CA10: variants seen among roughly 807,000 people sequenced by gnomAD.
CA10 encodes carbonic anhydrase 10 (inactive).
CA10 carries 14 observed loss-of-function variants against 44.2 expected under a neutral mutation model. The ratio of observed to expected loss-of-function variants is 0.32; its 90% CI spans 0.21 to 0.50. The LOEUF (loss-of-function observed/expected upper bound fraction) is 0.50, where lower values mean the gene tolerates loss of function less well. Ranked by LOEUF, CA10 falls within the 20% of genes least tolerant of loss-of-function variation. CA10 has a pLI of 0.99. For missense variants in CA10, 350 were observed against 409.7 expected (o/e 0.85, Z 1.26); for synonymous variants, 159 against 141.6 (o/e 1.12, Z -0.87).
intron 3 of CA10, among the ~76,000 whole-genome samples, chr17:51,779,122 C>G (rs1598040946): frequency 1.3e-5 from 2 of 152,092 alleles, no homozygotes; most frequent in South Asian, 2.1e-4. Flanking sequence ...TGCAACAGAA[C>G]AGGTGTTTGG....
intron 6 of CA10, among the ~76,000 whole-genome samples, chr17:51,645,023 C>T (rs1337037665): frequency 1.3e-5 from 2 of 152,096 alleles, no homozygotes; most frequent in Non-Finnish European, 2.9e-5. Flanking sequence ...GTCTCGAACT[C>T]CTGACCTCGT....
intron 2 of CA10, among the ~76,000 whole-genome samples, chr17:52,058,391 T>C (rs1598191849): frequency 1.3e-5 from 2 of 152,340 alleles, no homozygotes; most frequent in East Asian, 3.9e-4. Flanking sequence ...CATTGTCTTA[T>C]TGTCTGTATT....
chr17:51,942,081 C>A (rs575359217), intron 2 of CA10, among the ~76,000 whole-genome samples: 3 of 152,226 alleles, frequency 2.0e-5, no homozygotes, highest in African/African-American at 4.8e-5. Context: ...AGCCTTACAG[C>A]CCATTGCAGC....
chr17:51,693,740 C>T (rs1363902197), intron 4 of CA10, among the ~76,000 whole-genome samples: 1 of 152,090 alleles, frequency 6.6e-6, no homozygotes. Context: ...ATTTGATTCA[C>T]TGCTAATGGG....
intron 3 of CA10, among the ~76,000 whole-genome samples, chr17:51,907,867 A>G (rs1302619051): frequency 6.6e-6 from 1 of 152,086 alleles, no homozygotes; most frequent in African/African-American, 2.4e-5. Context: ...TCCTGTGCAC[A>G]ATGTCCATGT....
chr17:51,931,332 C>T (rs1982651995), intron 2 of CA10, among the ~76,000 whole-genome samples, 200 bp from the exon 3 acceptor site: 1 of 152,070 alleles, frequency 6.6e-6, no homozygotes, highest in South Asian at 2.1e-4. Flanking sequence ...TGCATGGTCT[C>T]TTGTCATCAG....
intron 4 of CA10, among the ~76,000 whole-genome samples, chr17:51,726,694 T>C (rs954185523): frequency 1.3e-5 from 2 of 152,242 alleles, no homozygotes; most frequent in African/African-American, 4.8e-5. Flanking sequence ...CCCTTAACTA[T>C]ACTGGTAGCC....
chr17:51,706,382 T>G (rs927710515), intron 4 of CA10, among the ~76,000 whole-genome samples: 1 of 152,238 alleles, frequency 6.6e-6, no homozygotes, highest in Non-Finnish European at 1.5e-5. Flanking sequence ...CCTTGACTCC[T>G]CTCTTTTTCT....
chr17:51,929,011 G>A (rs758800052), intron 3 of CA10, among the ~76,000 whole-genome samples: 2 of 152,076 alleles, frequency 1.3e-5, no homozygotes, highest in Non-Finnish European at 2.9e-5. Flanking sequence ...ATCATGAAAA[G>A]TAAATGTTGC....
At chr17:51,718,747 T>C (rs74754112) in intron 4 of CA10, among the ~76,000 whole-genome samples, 2,688 of 152,236 alleles carry the variant, frequency 0.018, 93 homozygotes, top group African/African-American at 0.062. Context: ...AAGTAGATAG[T>C]GTCAGAATTG....
At chr17:52,133,385 C>T (rs1222076972) in intron 1 of CA10, among the ~76,000 whole-genome samples, 1 of 152,048 alleles carries the variant, frequency 6.6e-6, no homozygotes, top group African/African-American at 2.4e-5. Context: ...GTTAGCAAAG[C>T]AGGAGAGAAA....
In CA10 at chr17:51,641,760, C is replaced by T. The variant is rs971967; in HGVS notation, c.635-5751G>A. 4.6e-5 allele frequency among the ~76,000 whole-genome samples: 7 copies of T among 151,784 alleles called. No individual in the cohort carries two copies. The East Asian group carries it at 5.8e-4, about 13-fold the overall frequency. ...AATGCCTAGGACCACTTGGGGGAGT[C>T]GGGGGAAACTTTCCCTCAGTCTGAA... On this transcript the variant is annotated intron_variant, in intron 6 of 8. Transcript: ENST00000451037.
chr17:52,151,019 T>C (rs1266904505), intron 1 of CA10, among the ~76,000 whole-genome samples: 1 of 152,098 alleles, frequency 6.6e-6, no homozygotes, highest in African/African-American at 2.4e-5. Context: ...TGTTTTGTGA[T>C]CAAGAATAAA....
chr17:51,938,158 A>T (rs1313901010), intron 2 of CA10, among the ~76,000 whole-genome samples: 1 of 152,184 alleles, frequency 6.6e-6, no homozygotes, highest in Non-Finnish European at 1.5e-5. Flanking sequence ...CTAGCTGTAA[A>T]AATGGGGGTG....
At chr17:51,801,184 C>T (rs1906910906) in intron 3 of CA10, among the ~76,000 whole-genome samples, 2 of 152,150 alleles carry the variant, frequency 1.3e-5, no homozygotes, top group South Asian at 4.1e-4. Flanking sequence ...CATCTGGTCC[C>T]CAGTGGCAGC....
intron 2 of CA10, among the ~76,000 whole-genome samples, chr17:52,057,347 T>A (rs1987257249): frequency 6.6e-6 from 1 of 152,074 alleles, no homozygotes; most frequent in Admixed American, 6.6e-5. Context: ...CTACTCAACA[T>A]GAAGACAAGG....
chr17:51,665,471 A>T (rs1567794913), intron 4 of CA10, among the ~76,000 whole-genome samples: 1 of 152,202 alleles, frequency 6.6e-6, no homozygotes, highest in Non-Finnish European at 1.5e-5. Flanking sequence ...TAAAACACTG[A>T]TGGGAAATAT....
At chr17:51,705,498 C>T (rs1915735921) in intron 4 of CA10, among the ~76,000 whole-genome samples, 1 of 152,108 alleles carries the variant, frequency 6.6e-6, no homozygotes, top group African/African-American at 2.4e-5. Context: ...ACATACAGGG[C>T]CCCCAGCAAG....
chr17:51,816,626 A>G (rs2143751818), intron 3 of CA10, among the ~76,000 whole-genome samples: 1 of 152,348 alleles, frequency 6.6e-6, no homozygotes, highest in East Asian at 1.9e-4. Context: ...ACAAATCAGA[A>G]ATACTTATTA....
Sources: allele counts gnomAD v4.1 joint callset (sites outside exome capture counted in the v4.1 genomes callset), GRCh38; gene constraint gnomAD v4.1.1; transcripts MANE v1.5; gene names NCBI Gene and HGNC (gene_info 2026-07-23, HGNC 2026-07-21).